Variants in PITPNC1 observed in about 807,000 individuals in gnomAD.
PITPNC1 encodes phosphatidylinositol transfer protein cytoplasmic 1, also known as cytoplasmic phosphatidylinositol transfer protein 1.
A neutral mutation model predicts 44.7 loss-of-function variants in PITPNC1; 18 were observed. That is an observed-to-expected ratio of 0.40 (90% confidence interval 0.28 to 0.60). The LOEUF (loss-of-function observed/expected upper bound fraction) is 0.60. Ranked by LOEUF, PITPNC1 falls within the 20% of genes least tolerant of loss-of-function variation. The probability of loss-of-function intolerance (pLI) is 0.39; values close to 1 mark genes in which losing one functional copy is unlikely to be tolerated. For missense variants in PITPNC1, 290 were observed against 418.4 expected (o/e 0.69, Z 2.68); for synonymous variants, 141 against 149.6 (o/e 0.94, Z 0.42).
rs2040811766 is a variant in PITPNC1 at position 67,554,653 on chromosome 17, A to C, written c.294+1036A>C. 2.6e-5 allele frequency among the ~76,000 whole-genome samples: 4 copies of C among 152,300 alleles called. No homozygotes were observed. In the South Asian group the frequency reaches 8.3e-4, roughly 32 times the overall value. ...AGAGGTGGTGAGAGAAATGGAAGAA[A>C]ATGATTTGTCATGCCCTGGGCAGGA... On this transcript the variant is annotated intron_variant, in intron 4 of 8. Coordinates refer to ENST00000581322, the MANE Select transcript of PITPNC1 (RefSeq NM_012417.4).
At chr17:67,454,150 C>G (rs569840883) in intron 1 of PITPNC1, among the ~76,000 whole-genome samples, 26 of 152,030 alleles carry the variant, frequency 1.7e-4, no homozygotes, top group Non-Finnish European at 1.8e-4. Flanking sequence ...ACTTGGGAGG[C>G]TGAGGCAGGA....
intron 1 of PITPNC1, among the ~76,000 whole-genome samples, chr17:67,450,956 T>C (rs2039166630): frequency 6.6e-6 from 1 of 152,210 alleles, no homozygotes; most frequent in Non-Finnish European, 1.5e-5. Context: ...GAATCAATAT[T>C]ATGTGTTCTT....
At chr17:67,657,531 C>T (rs756269630) in intron 6 of PITPNC1, among the ~76,000 whole-genome samples, 1 of 150,556 alleles carries the variant, frequency 6.6e-6, no homozygotes, top group African/African-American at 2.5e-5. Context: ...TAGTCCCAGC[C>T]CTATTGCCGA....
At chr17:67,549,850 G>T (rs574448911) in intron 2 of PITPNC1, among the ~76,000 whole-genome samples, 7 of 152,154 alleles carry the variant, frequency 4.6e-5, no homozygotes, top group Non-Finnish European at 1.0e-4. Flanking sequence ...CCTGGCTTAC[G>T]TGAGGGAGAT....
At chr17:67,446,539 A>G (rs1322363932) in intron 1 of PITPNC1, among the ~76,000 whole-genome samples, 3 of 149,086 alleles carry the variant, frequency 2.0e-5, no homozygotes, top group South Asian at 4.2e-4. Context: ...TTTTTAATTT[A>G]TGCTACGAGA....
At chr17:67,398,767 T>C (rs1232920822) in intron 1 of PITPNC1, among the ~76,000 whole-genome samples, 2 of 152,024 alleles carry the variant, frequency 1.3e-5, no homozygotes, top group Non-Finnish European at 2.9e-5. Context: ...TCACCAGTTG[T>C]CGTATAAAAT....
At chr17:67,414,306 A>G (rs1462034879) in intron 1 of PITPNC1, among the ~76,000 whole-genome samples, 1 of 152,236 alleles carries the variant, frequency 6.6e-6, no homozygotes, top group Non-Finnish European at 1.5e-5. Flanking sequence ...ATGCCCACCA[A>G]TAGGTGAATG....
intron 1 of PITPNC1, among the ~76,000 whole-genome samples, chr17:67,424,828 A>G (rs1221770505): frequency 6.6e-6 from 1 of 151,928 alleles, no homozygotes; most frequent in African/African-American, 2.4e-5. Flanking sequence ...CAGGCCTCTC[A>G]GCCCAAGCTA....
intron 5 of PITPNC1, among the ~76,000 whole-genome samples, chr17:67,592,094 G>T (rs1016170680): frequency 2.6e-5 from 4 of 152,024 alleles, no homozygotes; most frequent in African/African-American, 7.3e-5. Context: ...TTTGTTATAG[G>T]CAGACAGTGT....
chr17:67,523,407 G>C (rs1475658875), intron 1 of PITPNC1, among the ~76,000 whole-genome samples: 2 of 152,238 alleles, frequency 1.3e-5, no homozygotes, highest in Admixed American at 1.3e-4. Context: ...GTCACAGTCA[G>C]ACATGTGGCC....
chr17:67,560,904 C>CA (rs1484181411), intron 4 of PITPNC1, among the ~76,000 whole-genome samples: 4 of 152,158 alleles, frequency 2.6e-5, no homozygotes, highest in Non-Finnish European at 4.4e-5. Context: ...GCAGAGAATA[C>CA]AGAGTTGTTT....
At chr17:67,563,479 G>A (rs2040932772) in intron 4 of PITPNC1, among the ~76,000 whole-genome samples, 1 of 152,164 alleles carries the variant, frequency 6.6e-6, no homozygotes, top group South Asian at 2.1e-4. Flanking sequence ...GTAAAGTGCT[G>A]CTCTCAGACA....
intron 8 of PITPNC1, among the ~76,000 whole-genome samples, chr17:67,681,591 AG>A (rs1461587802): frequency 7.2e-6 from 1 of 139,214 alleles, no homozygotes; most frequent in African/African-American, 2.7e-5. Context: ...CCTAGGTGAC[AG>A]AGCAAAACCC....
chr17:67,425,188 C>CGCGCGCGCGT (rs2038732632), intron 1 of PITPNC1, among the ~76,000 whole-genome samples: 1 of 46,686 alleles, frequency 2.1e-5, no homozygotes, highest in South Asian at 5.5e-4. Context: ...CCATGTTGTG[C>CGCGCGCGCGT]GCGCGCACGC....
chr17:67,400,178 T>C (rs952390006), intron 1 of PITPNC1, among the ~76,000 whole-genome samples: 1 of 152,206 alleles, frequency 6.6e-6, no homozygotes, highest in African/African-American at 2.4e-5. Flanking sequence ...GCTTTCCAAA[T>C]GGCCTATGGG....
At chr17:67,505,426 A>G (rs560668016) in intron 1 of PITPNC1, among the ~76,000 whole-genome samples, 37 of 152,290 alleles carry the variant, frequency 2.4e-4, no homozygotes, top group Non-Finnish European at 4.7e-4. Flanking sequence ...CCTGTTTATC[A>G]TTGTATCTTC....
At chr17:67,471,579 C>T in intron 1 of PITPNC1, 1 of 369,982 alleles carries the variant, frequency 2.7e-6, no homozygotes, top group South Asian at 2.1e-5. Flanking sequence ...CCTAAATCTT[C>T]CCTCTCTCTG....
chr17:67,679,337 A>G (rs780218859), intron 8 of PITPNC1, among the ~76,000 whole-genome samples: 1 of 152,254 alleles, frequency 6.6e-6, no homozygotes, highest in Non-Finnish European at 1.5e-5. Flanking sequence ...GAATTAGAAA[A>G]AAAAGCTTCC....
Position 67,532,882 on chromosome 17 carries a change from G to A in PITPNC1, c.129G>A (p.Gln43=). Residue 43 remains glutamine, a synonymous_variant, in exon 2 of 9, where the codon CAG becomes CAA. Coordinates refer to ENST00000581322, the MANE Select transcript of PITPNC1 (RefSeq NM_012417.4). ...SDRGEGVEVV[Q]NEPFEDPHHG... is the part of the protein sequence containing the mutation. ...GGGGAGAAGGGGTGGAGGTCGTCCA[G>A]AATGAGCCCTTTGAGGACCCTCACC... 1 of 1,608,344 alleles carries A rather than the reference G, an allele frequency of 6.2e-7. No homozygotes were observed. Among genetic ancestry groups the A allele is most frequent in the South Asian group, 1.1e-5 (1 of 89,298 alleles).
Sources: gnomAD v4.1 joint callset for allele counts (sites outside exome capture counted in the v4.1 genomes callset) on GRCh38, gnomAD v4.1.1 for gene constraint, MANE v1.5 for transcripts, NCBI Gene and HGNC (gene_info 2026-07-23, HGNC 2026-07-21) for gene names.